ERCC2: variants seen among roughly 807,000 people sequenced by gnomAD.
ERCC2 encodes general transcription and DNA repair factor IIH helicase subunit XPD.
In ERCC2, 90 loss-of-function variants were observed where a neutral mutation model predicts 99.4. The ratio of observed to expected loss-of-function variants is 0.91; its 90% CI spans 0.76 to 1.08. ERCC2 has a LOEUF of 1.08. ERCC2 is among the 50% of genes least tolerant of loss of function. The pLI, the probability that ERCC2 is intolerant of heterozygous loss-of-function variation, is 0.00. For missense variants in ERCC2, 993 were observed against 1,038.1 expected (o/e 0.96, Z 0.60); for synonymous variants, 497 against 432.4 (o/e 1.15, Z -1.85).
At position 45,350,141 on chromosome 19, in the gene ERCC2, GC is replaced by G; in HGVS notation, c.*1487del. The stretch of plus-strand genomic sequence containing the variant: ...CCAGGTCAGCACATTAGAAAGTGGG[GC>G]CAGACGTGGTGGTTCACGCTTGTAA... On this transcript the variant is annotated 3_prime_UTR_variant, in exon 23 of 23. Coordinates refer to ENST00000391945, the MANE Select transcript of ERCC2 (RefSeq NM_000400.4). The G allele has an allele frequency of 1.7e-6, 1 of 586,726 alleles. No homozygotes were observed. Among genetic ancestry groups the G allele is most frequent in the Non-Finnish European group, 3.0e-6 (1 of 330,526 alleles). The allele number at this position is 586,726 out of a possible 1,614,324, so 36.3% of individuals were successfully genotyped here. A position where few individuals can be genotyped will look rare whatever the true frequency, so the allele number is the denominator to read the frequency against.
At position 45,351,527 on chromosome 19, in the gene ERCC2, C is replaced by T; in HGVS notation, c.*102G>A. On this transcript the variant is annotated 3_prime_UTR_variant, in exon 23 of 23. Coordinates refer to ENST00000391945, the MANE Select transcript of ERCC2 (RefSeq NM_000400.4). ...CTGTGGACGTGACAGTGAGAAATGT[C>T]ACCTGACTTCATAAGACCTTCTAGC... 2 of 1,602,398 alleles carry T rather than the reference C, an allele frequency of 1.2e-6. No homozygotes were observed. Among genetic ancestry groups the T allele is most frequent in the Non-Finnish European group, 1.7e-6 (2 of 1,178,924 alleles).
rs1285990927 is a variant in ERCC2 at position 45,350,242 on chromosome 19, C to T, written c.*1387G>A. ...TTCAAGACCAGCCTGGGCAACATAC[C>T]AAGACCCCTGTCTCTACAAAAAAAA... On this transcript the variant is annotated 3_prime_UTR_variant, in exon 23 of 23. Transcript: ENST00000391945. The T allele has an allele frequency of 3.5e-6, 3 of 867,266 alleles. No individual in the cohort carries two copies. Among genetic ancestry groups the T allele is most frequent in the Admixed American group, 4.8e-5 (2 of 41,806 alleles). 53.7% of individuals were successfully genotyped at this position (867,266 alleles called of 1,614,324 possible).
In ERCC2 at chr19:45,364,045, G is replaced by GCGCTGGCCTCC; in HGVS notation, c.879_889dup (p.Ala297GlyfsTer41). 1 of 1,566,708 alleles carries GCGCTGGCCTCC rather than the reference G, an allele frequency of 6.4e-7. No individual in the cohort carries two copies. Among genetic ancestry groups the GCGCTGGCCTCC allele is most frequent in the Non-Finnish European group, 8.6e-7 (1 of 1,156,756 alleles). On this transcript the variant is annotated frameshift_variant, in exon 10 of 23. Coordinates refer to ENST00000391945, the MANE Select transcript of ERCC2 (RefSeq NM_000400.4). LOFTEE classifies it high-confidence loss of function. ...CAGGTGGGCGTCCGTCTCCCGGGCG[G>GCGCTGGCCTCC]CGCTGGCCTCCCGCAGCCCCTCCAC...
At position 45,351,865 on chromosome 19, in the gene ERCC2, G is replaced by A. The variant is rs530662943; in HGVS notation, c.2191-144C>T. 2.2e-4 allele frequency: 161 copies of A among 747,730 alleles called. No homozygotes were observed. The Middle Eastern group carries it at 3.8e-3, about 17-fold the overall frequency. The allele number at this position is 747,730 out of a possible 1,614,324, so 46.3% of individuals were successfully genotyped here. A position where few individuals can be genotyped will look rare whatever the true frequency, so the allele number is the denominator to read the frequency against. On this transcript the variant is annotated intron_variant, in intron 22 of 22. Coordinates refer to ENST00000391945, the MANE Select transcript of ERCC2 (RefSeq NM_000400.4). ...TGGAGATGTCCGTATAATCCAGAGCGGGCCATCCCTGTCAACATAAGATGG... is the reference window on the plus strand; with the variant it reads ...TGGAGATGTCCGTATAATCCAGAGCAGGCCATCCCTGTCAACATAAGATGG...
chr19:45,361,792 G>A (rs1245815389), intron 11 of ERCC2, 150 bp from the exon 12 acceptor site: 2 of 691,828 alleles, frequency 2.9e-6, no homozygotes, highest in Non-Finnish European at 5.3e-6. Context: ...TTGGAAACTT[G>A]CACCCCCACG....
chr19:45,365,266 C>T (rs1397977780), intron 5 of ERCC2, 108 bp from the exon 6 acceptor site: 1 of 814,914 alleles, frequency 1.2e-6, no homozygotes, highest in Non-Finnish European at 2.1e-6. Context: ...CAACTTGAAC[C>T]TCAGTCTGTT....
intron 5 of ERCC2, among the ~76,000 whole-genome samples, chr19:45,366,092 C>T (rs1232372224): frequency 3.9e-5 from 6 of 152,064 alleles, no homozygotes; most frequent in African/African-American, 1.4e-4. Flanking sequence ...CCACCTCAGC[C>T]TCCCAAAGTG....
rs1971771275 is a variant in ERCC2 at position 45,351,442 on chromosome 19, C to T, written c.*187G>A. The T allele has an allele frequency of 1.9e-6, 3 of 1,584,888 alleles. No homozygotes were observed. Among genetic ancestry groups the T allele is most frequent in the South Asian group, 1.1e-5 (1 of 89,544 alleles). On this transcript the variant is annotated 3_prime_UTR_variant, in exon 23 of 23. Coordinates refer to ENST00000391945, the MANE Select transcript of ERCC2 (RefSeq NM_000400.4). Reference sequence around the variant, plus strand: ...TGGGGTGAGAGGGGGTCTATCATCTCCTGGCCCCCCCTTGCCTCTGGGTAC... The same window carrying T: ...TGGGGTGAGAGGGGGTCTATCATCTTCTGGCCCCCCCTTGCCTCTGGGTAC...
Position 45,351,214 on chromosome 19 carries a change from C to T in ERCC2, c.*415G>A. 6.3e-7 allele frequency: 1 copy of T among 1,589,798 alleles called. No individual in the cohort carries two copies. Among genetic ancestry groups the T allele is most frequent in the Non-Finnish European group, 8.6e-7 (1 of 1,167,480 alleles). Reference sequence around the variant, plus strand: ...TTGGATAGTTGGCTGCCAGGCTGGACCTGGAGCTGGAGGGTGGATGTAACA... The same window carrying T: ...TTGGATAGTTGGCTGCCAGGCTGGATCTGGAGCTGGAGGGTGGATGTAACA... On this transcript the variant is annotated 3_prime_UTR_variant, in exon 23 of 23. Transcript: ENST00000391945.
intron 16 of ERCC2, 39 bp from the exon 17 acceptor site, chr19:45,354,890 G>C (rs1333667429): frequency 6.2e-7 from 1 of 1,613,036 alleles, no homozygotes; most frequent in African/African-American, 1.3e-5. Context: ...CCTGGCCCAG[G>C]TCCTCCTCCC....
intron 11 of ERCC2, among the ~76,000 whole-genome samples, chr19:45,362,832 C>G (rs988521477): frequency 6.6e-5 from 10 of 152,206 alleles, no homozygotes; most frequent in African/African-American, 1.9e-4. Context: ...CCTTTGGAGC[C>G]CACAGGCATG....
intron 5 of ERCC2, among the ~76,000 whole-genome samples, chr19:45,365,504 G>A (rs529959613): frequency 5.2e-4 from 79 of 152,298 alleles, no homozygotes; most frequent in Non-Finnish European, 7.8e-4. Context: ...CCAGTTACTC[G>A]GGAGGCTGAG....
In ERCC2 at chr19:45,358,951, T is replaced by C. The variant is rs764300518; in HGVS notation, c.1238-1252A>G. The C allele has an allele frequency of 3.0e-5, 23 of 759,606 alleles. 1 individual carries two copies. The highest frequency in any genetic ancestry group is 2.9e-4 in the South Asian group (21 of 71,524). The allele number at this position is 759,606 out of a possible 1,614,324, so 47.1% of individuals were successfully genotyped here. ...AAATAAATGAATGAATGAATTTACA[T>C]ATTCGGTTTCACACAGTGAAAAAAA... is the stretch of plus-strand genomic sequence containing the variant. On this transcript the variant is annotated intron_variant, in intron 12 of 22. Transcript: ENST00000391945.
chr19:45,364,110 C>T lies in ERCC2; in HGVS notation c.825G>A (p.Glu275=), dbSNP rs2123288698. Residue 275 remains glutamate (E), a synonymous_variant, in exon 10 of 23, where the codon GAG becomes GAA. Transcript: ENST00000391945. ...TLQKTVLRIK[E]TDEQRLRDEY... ...CGTCCCGCAGGCGCTGCTCGTCTGT[C>T]TCTTTGATCCTGCGGAGAGATGAGC... 6.2e-7 allele frequency: 1 copy of T among 1,610,956 alleles called. No individual in the cohort carries two copies. Among genetic ancestry groups the T allele is most frequent in the African/African-American group, 1.3e-5 (1 of 75,036 alleles).
chr19:45,370,334 C>A lies in ERCC2; in HGVS notation c.6-102G>T. On this transcript the variant is annotated intron_variant, in intron 1 of 22. Coordinates refer to ENST00000391945, the MANE Select transcript of ERCC2 (RefSeq NM_000400.4). ...CCAGAGAAGGGTGACGGGCCCGGCG[C>A]CCCCGGTAACCCTCAGGTCCTCAGG... is the stretch of plus-strand genomic sequence containing the variant. 1.1e-5 allele frequency: 17 copies of A among 1,542,148 alleles called. No homozygotes were observed. The South Asian group carries it at 1.8e-4, about 16-fold the overall frequency.
At position 45,368,681 on chromosome 19, in the gene ERCC2, C is replaced by G; in HGVS notation, c.309G>C (p.Pro103=). Residue 103 remains proline (P), a synonymous_variant, in exon 5 of 23, where the codon CCG becomes CCC. Transcript: ENST00000391945. The stretch of plus-strand genomic sequence containing the variant: ...GGGAGCTCAGAGCCAGTCCCAGAAA[C>G]GGCAGCTTCTCGCCCTCCTGCTTCT... ...FYEKQEGEKL[P]FLGLALSSRK... 6.2e-7 allele frequency: 1 copy of G among 1,614,176 alleles called. No individual in the cohort carries two copies. Among genetic ancestry groups the G allele is most frequent in the Non-Finnish European group, 8.5e-7 (1 of 1,180,004 alleles).
rs142229130 is a variant in ERCC2 at position 45,351,951 on chromosome 19, G to A, written c.2191-230C>T. On this transcript the variant is annotated intron_variant, in intron 22 of 22. Transcript: ENST00000391945. ...GACCGGCTTTCTCCAGGCCAGCACCGTCTCTCCTGAAAACGCCCAATGCCT... is the reference window on the plus strand; with the variant it reads ...GACCGGCTTTCTCCAGGCCAGCACCATCTCTCCTGAAAACGCCCAATGCCT... Among the ~76,000 whole-genome samples, 20 of 152,324 alleles carry A rather than the reference G, an allele frequency of 1.3e-4. No individual in the cohort carries two copies. The East Asian group carries it at 2.1e-3, about 16-fold the overall frequency.
intron 12 of ERCC2, chr19:45,357,983 T>A: frequency 3.7e-6 from 2 of 533,932 alleles, no homozygotes; most frequent in African/African-American, 1.9e-5. Context: ...CAGCACCGCA[T>A]GGGCTGCCCA....
At position 45,357,138 on chromosome 19, in the gene ERCC2, C is replaced by A; in HGVS notation, c.1479+132G>T. The A allele has an allele frequency of 1.7e-5, 11 of 658,228 alleles. No homozygotes were observed. The South Asian group carries it at 1.9e-4, about 12-fold the overall frequency. 40.8% of individuals were successfully genotyped at this position (658,228 alleles called of 1,614,324 possible). A position where few individuals can be genotyped will look rare whatever the true frequency, so the allele number is the denominator to read the frequency against. On this transcript the variant is annotated intron_variant, in intron 15 of 22. Transcript: ENST00000391945. ...CAGAGAAGCAGAATCAAGCCTAAGT[C>A]TGTCTGAATCCCGAACCCAGCCTCT...
Sources: gnomAD v4.1 joint callset for allele counts (sites outside exome capture counted in the v4.1 genomes callset) on GRCh38, gnomAD v4.1.1 for gene constraint, MANE v1.5 for transcripts, NCBI Gene and HGNC (gene_info 2026-07-23, HGNC 2026-07-21) for gene names.